ZNF217: variants seen among roughly 807,000 people sequenced by gnomAD.
The protein encoded by ZNF217 is zinc finger protein 217.
Under a neutral mutation model 73.3 loss-of-function variants are expected in ZNF217, and 12 were observed. The observed-to-expected ratio is 0.16, with a 90% CI of 0.10 to 0.27. The LOEUF is 0.27. ZNF217 is among the 10% of genes least tolerant of loss of function. The pLI is 1.00. For missense variants in ZNF217, 1,195 were observed against 1,327.8 expected (o/e 0.90, Z 1.55); for synonymous variants, 588 against 516.4 (o/e 1.14, Z -1.88).
At chr20:53,580,840 GATC>G (rs139101573) in intron 2 of ZNF217, among the ~76,000 whole-genome samples, 15,190 of 152,152 alleles carry the variant, frequency 0.1, 1,006 homozygotes, top group Non-Finnish European at 0.15. Context: ...GGCTCTAGTT[GATC>G]ATCACTCCCA....
chr20:53,568,393 T>G lies in ZNF217; in HGVS notation c.*895A>C, dbSNP rs1341150979. On this transcript the variant is annotated 3_prime_UTR_variant, in exon 6 of 6. Coordinates refer to ENST00000371471, the MANE Select transcript of ZNF217 (RefSeq NM_006526.3). ...CCGCCACTGAATCGTCCAACAAAAATGATTAATTTGACAGAAACAAATTTA... is the reference window on the plus strand; with the variant it reads ...CCGCCACTGAATCGTCCAACAAAAAGGATTAATTTGACAGAAACAAATTTA... 1 of 152,182 alleles carries G rather than the reference T, an allele frequency of 6.6e-6. No individual in the cohort carries two copies. Among genetic ancestry groups the G allele is most frequent in the African/African-American group, 2.4e-5 (1 of 41,444 alleles). The allele number at this position is 152,182 out of a possible 1,614,324, so 9.4% of individuals were successfully genotyped here.
At chr20:53,595,949 C>A (rs141122947), upstream of ZNF217, among the ~76,000 whole-genome samples, 179 of 152,268 alleles carry the variant, frequency 1.2e-3, no homozygotes, top group African/African-American at 4.0e-3. Context: ...CCTTTGAACT[C>A]CGAGACCTTG....
At chr20:53,596,770 G>A (rs1989047595), upstream of ZNF217, among the ~76,000 whole-genome samples, 3 of 151,726 alleles carry the variant, frequency 2.0e-5, no homozygotes, top group South Asian at 6.3e-4. Flanking sequence ...ATCTCTAAAG[G>A]AGTCAGGTGC....
intron 1 of ZNF217, among the ~76,000 whole-genome samples, chr20:53,591,968 A>G (rs1264596265): frequency 6.6e-6 from 1 of 152,222 alleles, no homozygotes; most frequent in Non-Finnish European, 1.5e-5. Context: ...AAGGCCTCCT[A>G]AGACCCCTAC....
At chr20:53,585,135 G>C (rs1988650772) in intron 1 of ZNF217, among the ~76,000 whole-genome samples, 1 of 129,060 alleles carries the variant, frequency 7.7e-6, no homozygotes, top group Non-Finnish European at 1.6e-5. Flanking sequence ...TAGTCCCTAT[G>C]TCAGCTCTCA....
Position 53,582,472 on chromosome 20 carries a change from T to G in ZNF217, c.355A>C (p.Lys119Gln). 3.1e-6 allele frequency: 5 copies of G among 1,614,158 alleles called. No homozygotes were observed. Among genetic ancestry groups the G allele is most frequent in the Non-Finnish European group, 4.2e-6 (5 of 1,180,028 alleles). ...TCATTTTCCTTGCAATTCTTTTCCT[T>G]GGGAGGTTCTGTTCGCACTTGACTT... ...DKSQVRTEPP[K>Q]EKNCKENEFS... The change falls in exon 2 of 6, where the codon AAG (lysine) becomes CAG (glutamine). Residue 119 changes from lysine (K) to glutamine (Q), a missense_variant. By Grantham distance (53) the Lys-to-Gln change is moderately conservative. Coordinates refer to ENST00000371471, the MANE Select transcript of ZNF217 (RefSeq NM_006526.3). The surrounding 1 kb of genome is among the most constrained non-coding windows in gnomAD (Gnocchi z 4.8).
intron 1 of ZNF217, among the ~76,000 whole-genome samples, chr20:53,593,166 G>A (rs1467907210): frequency 6.6e-6 from 1 of 152,032 alleles, no homozygotes; most frequent in Non-Finnish European, 1.5e-5. Context: ...GCGCGCGTCG[G>A]GGTCCGCGGC....
Position 53,582,359 on chromosome 20 carries a change from G to A in ZNF217, c.468C>T (p.Tyr156=), listed in dbSNP as rs777220665. 10 of 1,466,202 alleles carry A rather than the reference G, an allele frequency of 6.8e-6. No homozygotes were observed. Among genetic ancestry groups the A allele is most frequent in the East Asian group, 5.6e-5 (2 of 35,768 alleles). 90.8% of individuals were successfully genotyped at this position (1,466,202 alleles called of 1,614,324 possible). A position where few individuals can be genotyped will look rare whatever the true frequency, so the allele number is the denominator to read the frequency against. ...HMRTHKDSFT[Y]GCNMCGRRFK... ...ATCTTCTTCCGCACATGTTACACCCGTAAGTGAAAGAATCTTTGTGTGTTC... is the reference window on the plus strand; with the variant it reads ...ATCTTCTTCCGCACATGTTACACCCATAAGTGAAAGAATCTTTGTGTGTTC... The change falls in exon 2 of 6, where the codon TAC becomes TAT. Residue 156 remains tyrosine (Y), a synonymous_variant. Transcript: ENST00000371471. The surrounding 1 kb of genome is among the most constrained non-coding windows in gnomAD (Gnocchi z 4.8).
chr20:53,589,879 G>C (rs1355268971), intron 1 of ZNF217, among the ~76,000 whole-genome samples: 1 of 150,144 alleles, frequency 6.7e-6, no homozygotes, highest in African/African-American at 2.5e-5. Flanking sequence ...TCTTCCATGT[G>C]CGTTTAAATT....
chr20:53,594,498 A>G (rs969582406), upstream of ZNF217, among the ~76,000 whole-genome samples: 21 of 150,344 alleles, frequency 1.4e-4, no homozygotes, highest in East Asian at 3.8e-3. Context: ...GCGCACTCCC[A>G]GTTCTCGCTC....
chr20:53,589,505 G>A (rs924023390), intron 1 of ZNF217, among the ~76,000 whole-genome samples: 1 of 152,230 alleles, frequency 6.6e-6, no homozygotes, highest in Admixed American at 6.5e-5. Flanking sequence ...GCGGCAGCTG[G>A]CTAGCGGGGG....
intron 5 of ZNF217, 23 bp from the exon 6 acceptor site, chr20:53,569,287 A>C (rs764270865): frequency 2.3e-6 from 3 of 1,284,934 alleles, no homozygotes; most frequent in South Asian, 2.6e-5. Flanking sequence ...ACATTTTTTA[A>C]ATGATTAAGA....
chr20:53,591,323 C>G (rs1343699769), intron 1 of ZNF217, among the ~76,000 whole-genome samples: 1 of 152,134 alleles, frequency 6.6e-6, no homozygotes, highest in African/African-American at 2.4e-5. Flanking sequence ...TGTCCTTCAC[C>G]AATAAAAGTC....
chr20:53,572,819 T>C (rs1324452768), intron 4 of ZNF217: 3 of 152,238 alleles, frequency 2.0e-5, no homozygotes, highest in African/African-American at 4.8e-5. Flanking sequence ...AAGGAGAAGA[T>C]GTCCCTGGGA....
chr20:53,569,268 AG>A lies in ZNF217; in HGVS notation c.*24-5del, dbSNP rs765822511. On this transcript the variant is annotated splice_polypyrimidine_tract_variant and splice_region_variant and intron_variant, in intron 5 of 5. Coordinates refer to ENST00000371471, the MANE Select transcript of ZNF217 (RefSeq NM_006526.3). ...AAGCACTGACATCCACCAAGACCTA[AG>A]GAAAACAACATTTTTTAAATGATTA... The A allele has an allele frequency of 7.5e-5, 99 of 1,315,612 alleles. No homozygotes were observed. The African/African-American group carries it at 1.4e-3, about 19-fold the overall frequency. 81.5% of individuals were successfully genotyped at this position (1,315,612 alleles called of 1,614,324 possible). A position where few individuals can be genotyped will look rare whatever the true frequency, so the allele number is the denominator to read the frequency against.
chr20:53,588,818 T>C (rs1289825055), intron 1 of ZNF217, among the ~76,000 whole-genome samples: 4 of 152,216 alleles, frequency 2.6e-5, no homozygotes, highest in African/African-American at 9.6e-5. Flanking sequence ...GCTGACTACA[T>C]ACTAAAGTTG....
At position 53,575,724 on chromosome 20, in the gene ZNF217, T is replaced by TACC. The variant is rs776408558; in HGVS notation, c.3037_3037+2dup. 1.7e-5 allele frequency: 27 copies of TACC among 1,562,260 alleles called. No individual in the cohort carries two copies. Among genetic ancestry groups the TACC allele is most frequent in the Non-Finnish European group, 2.2e-5 (26 of 1,156,438 alleles). On this transcript the variant is annotated splice_region_variant and intron_variant, in intron 4 of 5. Coordinates refer to ENST00000371471, the MANE Select transcript of ZNF217 (RefSeq NM_006526.3). ...TTTAAACACGACGCCCCTCATGCAA[T>TACC]ACCTTCTAACGTCGAGCTGGATGCT...
At chr20:53,585,369 G>A (rs1988660294) in intron 1 of ZNF217, among the ~76,000 whole-genome samples, 1 of 152,224 alleles carries the variant, frequency 6.6e-6, no homozygotes, top group South Asian at 2.1e-4. Context: ...AGACCAGCCT[G>A]GCCAACATGG....
In ZNF217 at chr20:53,567,176, A is replaced by G. The variant is rs1342238101; in HGVS notation, c.*2112T>C. The stretch of plus-strand genomic sequence containing the variant: ...GTAATGTCTACTGTTCGACAACTTA[A>G]GTATCAACAATTAAAATAAATCAAA... On this transcript the variant is annotated 3_prime_UTR_variant, in exon 6 of 6. Coordinates refer to ENST00000371471, the MANE Select transcript of ZNF217 (RefSeq NM_006526.3). 6.6e-6 allele frequency: 1 copy of G among 152,486 alleles called. No homozygotes were observed. The highest frequency in any genetic ancestry group is 2.4e-5 in the African/African-American group (1 of 41,338). 9.4% of individuals were successfully genotyped at this position (152,486 alleles called of 1,614,324 possible).
Sources: allele counts gnomAD v4.1 joint callset (sites outside exome capture counted in the v4.1 genomes callset), GRCh38; gene constraint gnomAD v4.1.1; non-coding constraint Gnocchi (gnomAD v3.1); transcripts MANE v1.5; gene names NCBI Gene and HGNC (gene_info 2026-07-23, HGNC 2026-07-21).